Variants in MCCC2 observed in about 807,000 individuals in gnomAD.
The protein encoded by MCCC2 is methylcrotonyl-CoA carboxylase subunit 2, also known as methylcrotonoyl-CoA carboxylase beta chain, mitochondrial.
MCCC2 carries 52 observed loss-of-function variants against 77.2 expected under a neutral mutation model. The observed-to-expected ratio is 0.67, with a 90% CI of 0.54 to 0.85. The LOEUF is 0.85. Ranked by LOEUF, MCCC2 falls within the 40% of genes least tolerant of loss-of-function variation. The pLI, the probability that MCCC2 is intolerant of heterozygous loss-of-function variation, is 0.00. For synonymous variants in MCCC2, 253 were observed against 248.4 expected, an observed-to-expected ratio of 1.02 and a Z score of -0.18; for missense variants, 682 against 703.2, an observed-to-expected ratio of 0.97 and a Z score of 0.34.
intron 16 of MCCC2, among the ~76,000 whole-genome samples, chr5:71,654,506 A>AT (rs958323719): frequency 2.6e-5 from 4 of 152,316 alleles, no homozygotes; most frequent in Admixed American, 1.3e-4. Flanking sequence ...AGAAAGCCGT[A>AT]TAAGAGGTTT....
At chr5:71,635,125 G>A (rs1979775) in intron 9 of MCCC2, 26 bp from the exon 10 acceptor site, 3 of 1,612,472 alleles carry the variant, frequency 1.9e-6, no homozygotes, top group Non-Finnish European at 2.5e-6. Flanking sequence ...TCTTTAAACA[G>A]GTTAACATGA....
rs937112039 is a variant in MCCC2 at position 71,630,009 on chromosome 5, T to C, written c.739-2112T>C. Among the ~76,000 whole-genome samples the C allele has an allele frequency of 2.0e-5, 3 of 152,226 alleles. No homozygotes were observed. The East Asian group carries it at 5.8e-4, about 29-fold the overall frequency. On this transcript the variant is annotated intron_variant, in intron 7 of 16. Coordinates refer to ENST00000340941, the MANE Select transcript of MCCC2 (RefSeq NM_022132.5). ...TTAGAGAGAAGATTTTGTCTAAGGG[T>C]CAGTAGTTACAATGTCCATTCAGTT...
At chr5:71,611,935 C>A (rs558489253) in intron 6 of MCCC2, among the ~76,000 whole-genome samples, 2 of 151,664 alleles carry the variant, frequency 1.3e-5, no homozygotes, top group Non-Finnish European at 2.9e-5. Flanking sequence ...ACTACAGGCG[C>A]CCACCACCAT....
At chr5:71,602,985 C>G (rs1267386855) in intron 5 of MCCC2, 1 of 248,104 alleles carries the variant, frequency 4.0e-6, no homozygotes, top group Non-Finnish European at 7.8e-6. Context: ...GTGCCAGGTA[C>G]TGAGTTAAAT....
chr5:71,611,346 G>A lies in MCCC2; in HGVS notation c.624+6878G>A, dbSNP rs187214587. On this transcript the variant is annotated intron_variant, in intron 6 of 16. Transcript: ENST00000340941. ...GAGCCTTGGAGTTTGAGGCTACAGC[G>A]AGCTGTGGTTGCACCACTGCACTCC... Among the ~76,000 whole-genome samples, 615 of 152,234 alleles carry A rather than the reference G, an allele frequency of 4.0e-3. 6 individuals are homozygous for A. The highest frequency in any genetic ancestry group is 0.014 in the African/African-American group (584 of 41,550).
rs186380187 is a variant in MCCC2 at position 71,643,721 on chromosome 5, G to C, written c.1073-98G>C. The C allele has an allele frequency of 1.1e-3, 1,739 of 1,609,540 alleles. 17 individuals are homozygous for C. The African/African-American group carries it at 0.021, about 19-fold the overall frequency. The stretch of plus-strand genomic sequence containing the variant: ...AAAATCTCTTTGCATTTTAAACTTG[G>C]ATCTGATATTAAAGAATGTGTAAAT... On this transcript the variant is annotated intron_variant, in intron 11 of 16. Transcript: ENST00000340941.
intron 10 of MCCC2, among the ~76,000 whole-genome samples, chr5:71,640,383 T>A (rs1286370665): frequency 1.4e-3 from 6 of 4,382 alleles, no homozygotes; most frequent in Admixed American, 0.012. Flanking sequence ...ACTTTTTACA[T>A]TTTTTTTTTT....
intron 15 of MCCC2, 64 bp downstream of exon 15, chr5:71,650,247 A>G: frequency 1.4e-6 from 2 of 1,412,378 alleles, no homozygotes; most frequent in Non-Finnish European, 2.0e-6. Context: ...CCTGGAGCCA[A>G]GGAGCAGCGT....
intron 10 of MCCC2, among the ~76,000 whole-genome samples, chr5:71,640,685 G>A (rs1297131662): frequency 6.6e-6 from 1 of 152,090 alleles, no homozygotes; most frequent in African/African-American, 2.4e-5. Flanking sequence ...CTTTCTCATT[G>A]CATCCCTGAA....
At chr5:71,648,306 C>G (rs950396394) in intron 13 of MCCC2, among the ~76,000 whole-genome samples, 4 of 152,090 alleles carry the variant, frequency 2.6e-5, no homozygotes, top group Non-Finnish European at 5.9e-5. Flanking sequence ...CAAGCGAAGC[C>G]CAACTCAGTG....
intron 6 of MCCC2, among the ~76,000 whole-genome samples, chr5:71,616,074 T>C (rs1746146365): frequency 6.6e-6 from 1 of 152,234 alleles, no homozygotes; most frequent in Non-Finnish European, 1.5e-5. Flanking sequence ...GCATCTGTGC[T>C]GGCAAACTCA....
At chr5:71,638,966 A>G (rs1747027868) in intron 10 of MCCC2, among the ~76,000 whole-genome samples, 1 of 152,352 alleles carries the variant, frequency 6.6e-6, no homozygotes, top group East Asian at 1.9e-4. Context: ...GTGACCAGGT[A>G]TATTGTTAGT....
At chr5:71,632,235 G>C (rs1364192591) in intron 8 of MCCC2, 50 bp downstream of exon 8, 5 of 1,587,250 alleles carry the variant, frequency 3.2e-6, no homozygotes, top group Non-Finnish European at 4.3e-6. Context: ...CATTTTGTTT[G>C]TTTGTTTAAA....
chr5:71,623,171 G>C (rs533220655), intron 6 of MCCC2, among the ~76,000 whole-genome samples: 1 of 152,328 alleles, frequency 6.6e-6, no homozygotes, highest in African/African-American at 2.4e-5. Flanking sequence ...ACTTAAGACA[G>C]ATGTTTTTTG....
chr5:71,643,921 G>T (rs1454877027), intron 12 of MCCC2, 26 bp downstream of exon 12: 2 of 1,613,220 alleles, frequency 1.2e-6, no homozygotes, highest in Admixed American at 1.7e-5. Context: ...AATATTTCAA[G>T]ATTTTCTGTT....
chr5:71,604,380 C>T lies in MCCC2; in HGVS notation c.536C>T (p.Pro179Leu). 6.2e-7 allele frequency: 1 copy of T among 1,614,092 alleles called. No individual in the cohort carries two copies. Among genetic ancestry groups the T allele is most frequent in the East Asian group, 2.2e-5 (1 of 44,862 alleles). ...YLVDSGGAYLPRQADVFPDRD... is the reference protein window; with the variant it reads ...YLVDSGGAYLLRQADVFPDRD... ...GTTGATTCGGGAGGAGCATACTTAC[C>T]TCGACAAGCAGATGTGTTTCCAGAT... is the stretch of plus-strand genomic sequence containing the variant. Residue 179 changes from proline to leucine, a missense_variant, in exon 6 of 17, where the codon CCT becomes CTT. Physicochemically the swap from Pro to Leu is moderately conservative, Grantham distance 98 (BLOSUM62 -3). Transcript: ENST00000340941.
chr5:71,649,266 A>T lies in MCCC2; in HGVS notation c.1373+13A>T, dbSNP rs1747365061. The T allele has an allele frequency of 6.2e-7, 1 of 1,611,484 alleles. No homozygotes were observed. Among genetic ancestry groups the T allele is most frequent in the Non-Finnish European group, 8.5e-7 (1 of 1,177,690 alleles). On this transcript the variant is annotated intron_variant, in intron 14 of 16. Coordinates refer to ENST00000340941, the MANE Select transcript of MCCC2 (RefSeq NM_022132.5). Reference sequence around the variant, plus strand: ...GCAGAGCATATAGGTAGGTGTCATGATTTTCTCTGAAACAAAGAAACATGC... The same window carrying T: ...GCAGAGCATATAGGTAGGTGTCATGTTTTTCTCTGAAACAAAGAAACATGC...
chr5:71,587,603 C>A, intron 1 of MCCC2, 49 bp downstream of exon 1: 1 of 1,526,440 alleles, frequency 6.6e-7, no homozygotes, highest in Non-Finnish European at 8.8e-7. Context: ...GGCTAGGAAG[C>A]AAGTGGAGGA....
intron 10 of MCCC2, among the ~76,000 whole-genome samples, chr5:71,638,463 T>A: frequency 6.6e-6 from 1 of 152,246 alleles, no homozygotes; most frequent in Non-Finnish European, 1.5e-5. Flanking sequence ...GGTTTTCGAT[T>A]TACTTTGCCC....
Sources: allele counts gnomAD v4.1 joint callset (sites outside exome capture counted in the v4.1 genomes callset), GRCh38; gene constraint gnomAD v4.1.1; transcripts MANE v1.5; gene names NCBI Gene and HGNC (gene_info 2026-07-23, HGNC 2026-07-21).